Variants in ADAMTS17 observed in about 807,000 individuals in gnomAD.
ADAMTS17 encodes ADAM metallopeptidase with thrombospondin type 1 motif 17, also known as A disintegrin and metalloproteinase with thrombospondin motifs 17.
Under a neutral mutation model 141.5 loss-of-function variants are expected in ADAMTS17, and 113 were observed. The ratio of observed to expected loss-of-function variants is 0.80; its 90% CI spans 0.69 to 0.93. The LOEUF (loss-of-function observed/expected upper bound fraction) is 0.93, where lower values mean the gene tolerates loss of function less well. ADAMTS17 is among the 40% of genes least tolerant of loss of function. The probability of loss-of-function intolerance (pLI) is 0.00; values close to 1 mark genes in which losing one functional copy is unlikely to be tolerated. For synonymous variants in ADAMTS17, 768 were observed against 630.6 expected, an observed-to-expected ratio of 1.22 and a Z score of -3.27; for missense variants, 1,659 against 1,517.9, an observed-to-expected ratio of 1.09 and a Z score of -1.54.
chr15:100,287,706 C>T (rs922128523), intron 3 of ADAMTS17, among the ~76,000 whole-genome samples: 1 of 152,114 alleles, frequency 6.6e-6, no homozygotes. Flanking sequence ...ATTCTATAAG[C>T]CAGGAGAAAT....
intron 12 of ADAMTS17, among the ~76,000 whole-genome samples, chr15:100,131,331 C>T (rs188894968): frequency 2.0e-4 from 27 of 137,852 alleles, no homozygotes; most frequent in Admixed American, 4.7e-4. Context: ...AACAAACCTG[C>T]ACATTCTGCA....
intron 4 of ADAMTS17, among the ~76,000 whole-genome samples, chr15:100,270,745 G>A (rs1054223407): frequency 2.8e-4 from 16 of 56,200 alleles, no homozygotes; most frequent in Non-Finnish European, 3.2e-4. Flanking sequence ...AAAAATTGTG[G>A]TAAAATATGC....
chr15:100,337,718 C>T (rs948416137), intron 2 of ADAMTS17, among the ~76,000 whole-genome samples: 1 of 152,382 alleles, frequency 6.6e-6, no homozygotes, highest in African/African-American at 2.4e-5. Flanking sequence ...CCAAACCCGA[C>T]AGCAGGGGGC....
chr15:100,132,273 G>C, intron 11 of ADAMTS17, 121 bp from the exon 12 acceptor site: 1 of 1,356,506 alleles, frequency 7.4e-7, no homozygotes, highest in Non-Finnish European at 1.0e-6. Context: ...TAAAGGTACA[G>C]TCTATTTCAG....
chr15:100,176,705 C>A (rs1228968542), intron 8 of ADAMTS17, among the ~76,000 whole-genome samples: 1 of 152,078 alleles, frequency 6.6e-6, no homozygotes, highest in African/African-American at 2.4e-5. Context: ...CTTTGTGTAA[C>A]CACCACAATC....
chr15:100,323,984 G>A (rs1415517526), intron 3 of ADAMTS17, among the ~76,000 whole-genome samples: 4 of 149,398 alleles, frequency 2.7e-5, no homozygotes, highest in Non-Finnish European at 3.0e-5. Context: ...GGGTGGAGGG[G>A]AGAACGCCAT....
intron 18 of ADAMTS17, among the ~76,000 whole-genome samples, chr15:99,998,964 G>T (rs149090055): frequency 6.6e-6 from 1 of 152,182 alleles, no homozygotes; most frequent in Non-Finnish European, 1.5e-5. Flanking sequence ...CCCAAACCAA[G>T]TCTGATCATG....
chr15:100,220,086 C>T (rs558341584), intron 7 of ADAMTS17, among the ~76,000 whole-genome samples: 129 of 152,230 alleles, frequency 8.5e-4, no homozygotes, highest in African/African-American at 2.6e-3. Context: ...TGCATGAAGT[C>T]TCATCACCAA....
At chr15:100,229,362 G>T (rs957568569) in intron 7 of ADAMTS17, among the ~76,000 whole-genome samples, 1 of 149,180 alleles carries the variant, frequency 6.7e-6, no homozygotes, top group Non-Finnish European at 1.5e-5. Context: ...CAACTCTGAC[G>T]TGAAACATGA....
chr15:100,109,768 G>A (rs977898991), intron 13 of ADAMTS17, among the ~76,000 whole-genome samples: 3 of 152,046 alleles, frequency 2.0e-5, no homozygotes, highest in Admixed American at 6.6e-5. Context: ...CTCCCAGAAC[G>A]CGCCCAGCTC....
At chr15:100,248,064 C>T (rs922341539) in intron 7 of ADAMTS17, among the ~76,000 whole-genome samples, 2 of 152,120 alleles carry the variant, frequency 1.3e-5, no homozygotes, top group Non-Finnish European at 2.9e-5. Context: ...CCTCAAGCCA[C>T]AGCCGCTGGG....
At chr15:100,119,635 A>G (rs2037350863) in intron 12 of ADAMTS17, among the ~76,000 whole-genome samples, 1 of 152,154 alleles carries the variant, frequency 6.6e-6, no homozygotes, top group African/African-American at 2.4e-5. Flanking sequence ...CGGAGAGGAG[A>G]TATGATGTGA....
At position 100,341,974 on chromosome 15, in the gene ADAMTS17, G is replaced by A. The variant is rs2046382591; in HGVS notation, c.-75C>T. The A allele has an allele frequency of 2.6e-6, 4 of 1,512,714 alleles. No homozygotes were observed. Among genetic ancestry groups the A allele is most frequent in the East Asian group, 2.5e-5 (1 of 40,628 alleles). The allele number at this position is 1,512,714 out of a possible 1,614,324, so 93.7% of individuals were successfully genotyped here. On this transcript the variant is annotated 5_prime_UTR_variant, in exon 1 of 22. Transcript: ENST00000268070. ...GCGCTAGGCGGCGGCGCCAGCCGGA[G>A]TGAAGCCCTCCAGCCTTTGGAAAAA...
intron 4 of ADAMTS17, among the ~76,000 whole-genome samples, chr15:100,264,023 G>A (rs1037887602): frequency 4.6e-5 from 7 of 152,148 alleles, no homozygotes; most frequent in African/African-American, 1.4e-4. Context: ...GTCACTGCTC[G>A]AATTTTACTC....
intron 4 of ADAMTS17, among the ~76,000 whole-genome samples, chr15:100,273,557 T>G (rs1334842661): frequency 6.6e-6 from 1 of 152,170 alleles, no homozygotes; most frequent in Non-Finnish European, 1.5e-5. Flanking sequence ...TGTTTTCATT[T>G]GTGTTATTAG....
Position 99,993,945 on chromosome 15 carries a change from G to T in ADAMTS17, c.2797-745C>A, listed in dbSNP as rs2060742683. Among the ~76,000 whole-genome samples, 1 of 152,208 alleles carries T rather than the reference G, an allele frequency of 6.6e-6. No individual in the cohort carries two copies. Among genetic ancestry groups the T allele is most frequent in the Non-Finnish European group, 1.5e-5 (1 of 68,036 alleles). On this transcript the variant is annotated intron_variant, in intron 19 of 21. Transcript: ENST00000268070. This position sits in a 1 kb window ranked among gnomAD's most constrained non-coding sequence, Gnocchi z 4.3. ...AAGAGTTCAGGATTCCCAGCAGCAA[G>T]AAGGAGCGAAGAGGCAGGGGGCATG... is the stretch of plus-strand genomic sequence containing the variant.
chr15:100,025,886 G>C (rs1567689359), intron 18 of ADAMTS17, among the ~76,000 whole-genome samples: 1 of 151,782 alleles, frequency 6.6e-6, no homozygotes, highest in African/African-American at 2.4e-5. Flanking sequence ...GGTATCTATA[G>C]GTTTTTGTTT....
intron 3 of ADAMTS17, among the ~76,000 whole-genome samples, chr15:100,323,102 AAAG>A (rs1445969636): frequency 4.0e-4 from 61 of 151,768 alleles, no homozygotes; most frequent in Non-Finnish European, 8.0e-4. Context: ...AAAAAAAAAA[AAAG>A]AATTATAAAT....
Position 100,132,078 on chromosome 15 carries a change from G to T in ADAMTS17, c.1650C>A (p.Gly550=), listed in dbSNP as rs377263569. 2 of 1,614,134 alleles carry T rather than the reference G, an allele frequency of 1.2e-6. No individual in the cohort carries two copies. The highest frequency in any genetic ancestry group is 8.5e-7 in the Non-Finnish European group (1 of 1,180,010). Residue 550 remains glycine, a synonymous_variant, in exon 12 of 22, where the codon GGC becomes GGA. Coordinates refer to ENST00000268070, the MANE Select transcript of ADAMTS17 (RefSeq NM_139057.4). The part of the protein sequence containing the change: ...EHVDGDWSPW[G]AWSMCSRTCG... ...ATGTTCGGCTGCACATGCTCCAGGC[G>T]CCCCACGGGCTCCAGTCTCCGTCCA...
Sources: allele counts gnomAD v4.1 joint callset (sites outside exome capture counted in the v4.1 genomes callset), GRCh38; gene constraint gnomAD v4.1.1; non-coding constraint Gnocchi (gnomAD v3.1); transcripts MANE v1.5; gene names NCBI Gene and HGNC (gene_info 2026-07-23, HGNC 2026-07-21).